FOCAD: variants seen among roughly 807,000 people sequenced by gnomAD.
The protein encoded by FOCAD is focadhesin.
Under a neutral mutation model 225.6 loss-of-function variants are expected in FOCAD, and 198 were observed. That is an observed-to-expected ratio of 0.88 (90% CI 0.78 to 0.99). The LOEUF is 0.99. Among genes scored for constraint, FOCAD ranks in the 50% least tolerant of loss-of-function variants. FOCAD has a pLI of 0.00. For missense variants in FOCAD, 2,713 were observed against 2,123.6 expected, an observed-to-expected ratio of 1.28 and a Z score of -5.46; for synonymous variants, 897 against 755.0, an observed-to-expected ratio of 1.19 and a Z score of -3.08.
chr9:20,944,527 C>A, intron 28 of FOCAD, 100 bp from the exon 29 acceptor site: 1 of 1,353,118 alleles, frequency 7.4e-7, no homozygotes, highest in Non-Finnish European at 1.0e-6. Context: ...ATCCAGCCAT[C>A]TCACCAAGGT....
At chr9:20,923,509 T>C (rs1023262075) in intron 24 of FOCAD, 151 bp from the exon 25 acceptor site, 35 of 584,940 alleles carry the variant, frequency 6.0e-5, no homozygotes, top group Admixed American at 1.8e-4. Flanking sequence ...AAGAAACTGT[T>C]GGCCTAACAC....
chr9:20,720,857 A>C (rs1458560444), intron 4 of FOCAD, among the ~76,000 whole-genome samples: 1 of 152,242 alleles, frequency 6.6e-6, no homozygotes, highest in Admixed American at 6.5e-5. Flanking sequence ...AAGGTTGTCC[A>C]TAAGCAATGC....
intron 36 of FOCAD, among the ~76,000 whole-genome samples, chr9:20,978,096 A>G (rs376245877): frequency 7.9e-5 from 12 of 152,230 alleles, no homozygotes; most frequent in African/African-American, 2.9e-4. Flanking sequence ...TCTGGATATC[A>G]TAAGAGAAAT....
At chr9:20,708,151 C>G (rs1439338872) in intron 1 of FOCAD, among the ~76,000 whole-genome samples, 1 of 152,136 alleles carries the variant, frequency 6.6e-6, no homozygotes, top group Non-Finnish European at 1.5e-5. Context: ...TTTATAAAAT[C>G]AGCTCAAAAT....
intron 24 of FOCAD, among the ~76,000 whole-genome samples, chr9:20,923,341 C>T (rs1407060040): frequency 6.6e-6 from 1 of 152,024 alleles, no homozygotes; most frequent in Admixed American, 6.5e-5. Flanking sequence ...AAAGATGACA[C>T]AGAAGAGATC....
intron 1 of FOCAD, among the ~76,000 whole-genome samples, chr9:20,687,371 T>A (rs936390191): frequency 3.3e-5 from 5 of 152,246 alleles, no homozygotes; most frequent in Admixed American, 3.3e-4. Flanking sequence ...CTGATACATA[T>A]GTTGAACAAA....
At chr9:20,735,493 C>CTCCCCTCCCT (rs1466274481) in intron 4 of FOCAD, among the ~76,000 whole-genome samples, 1 of 151,054 alleles carries the variant, frequency 6.6e-6, no homozygotes, top group Non-Finnish European at 1.5e-5. Flanking sequence ...TCCGCCTCCC[C>CTCCCCTCCCT]TCCCCTCCCT....
At chr9:20,812,413 T>A (rs1159904773) in intron 11 of FOCAD, among the ~76,000 whole-genome samples, 2 of 152,088 alleles carry the variant, frequency 1.3e-5, no homozygotes, top group Non-Finnish European at 2.9e-5. Context: ...TATAAGTAGA[T>A]AACACTACTT....
chr9:20,840,102 A>C (rs1270291450), intron 15 of FOCAD, among the ~76,000 whole-genome samples: 1 of 151,942 alleles, frequency 6.6e-6, no homozygotes, highest in Non-Finnish European at 1.5e-5. Flanking sequence ...TGATTCCTCC[A>C]GTTTTGTTGT....
chr9:20,806,608 T>G (rs960687264), intron 11 of FOCAD, among the ~76,000 whole-genome samples: 2 of 152,192 alleles, frequency 1.3e-5, no homozygotes, highest in African/African-American at 4.8e-5. Flanking sequence ...CTCGGGGGCA[T>G]TGTAAGGACT....
At chr9:20,794,412 A>G (rs1312533380) in intron 11 of FOCAD, among the ~76,000 whole-genome samples, 1 of 152,218 alleles carries the variant, frequency 6.6e-6, no homozygotes, top group Non-Finnish European at 1.5e-5. Flanking sequence ...CATAATATAG[A>G]GCAAAAAGAT....
intron 15 of FOCAD, among the ~76,000 whole-genome samples, chr9:20,825,896 G>A (rs1327507922): frequency 6.6e-6 from 1 of 152,030 alleles, no homozygotes; most frequent in African/African-American, 2.4e-5. Context: ...GTGCTACTTT[G>A]CTGAACAAAC....
chr9:20,674,418 A>G (rs566111556), intron 2 of FOCAD, among the ~76,000 whole-genome samples: 6 of 152,260 alleles, frequency 3.9e-5, no homozygotes, highest in Non-Finnish European at 8.8e-5. Flanking sequence ...CTTCTCCCCT[A>G]TCTCTTTCCA....
chr9:20,803,449 T>C (rs1218190616), intron 11 of FOCAD, among the ~76,000 whole-genome samples: 1 of 152,096 alleles, frequency 6.6e-6, no homozygotes, highest in Non-Finnish European at 1.5e-5. Flanking sequence ...GTTGTTTTGA[T>C]AGTGGAAGTG....
At chr9:20,761,720 C>G (rs1280464607) in intron 6 of FOCAD, among the ~76,000 whole-genome samples, 1 of 152,008 alleles carries the variant, frequency 6.6e-6, no homozygotes, top group African/African-American at 2.4e-5. Context: ...GTGCCTGGCC[C>G]AAGCCTCCAT....
intron 34 of FOCAD, 35 bp downstream of exon 34, chr9:20,951,133 G>C: frequency 6.5e-7 from 1 of 1,544,362 alleles, no homozygotes; most frequent in Non-Finnish European, 9.0e-7. Context: ...GGAGCTGGAA[G>C]GGAGGGATTG....
intron 5 of FOCAD, among the ~76,000 whole-genome samples, chr9:20,756,500 C>A (rs1224095663): frequency 6.6e-6 from 1 of 152,164 alleles, no homozygotes; most frequent in Non-Finnish European, 1.5e-5. Context: ...ATTAAAATTA[C>A]CTGTAGAATT....
intron 1 of FOCAD, among the ~76,000 whole-genome samples, chr9:20,712,730 C>CTTTTTTTTTTT: frequency 1.1e-5 from 1 of 93,322 alleles, no homozygotes; most frequent in Non-Finnish European, 1.9e-5. Context: ...CTCCTATATT[C>CTTTTTTTTTTT]TTTTTTTTTT....
chr9:20,686,866 A>G (rs920038529), intron 1 of FOCAD, among the ~76,000 whole-genome samples: 1 of 152,192 alleles, frequency 6.6e-6, no homozygotes, highest in Non-Finnish European at 1.5e-5. Context: ...GACAAGGGAT[A>G]TTTGTGAATT....
Sources: gnomAD v4.1 joint callset for allele counts (sites outside exome capture counted in the v4.1 genomes callset) on GRCh38, gnomAD v4.1.1 for gene constraint, MANE v1.5 for transcripts, NCBI Gene and HGNC (gene_info 2026-07-23, HGNC 2026-07-21) for gene names.